The following NUDT16L1 variants were observed in gnomAD, a reference collection of about 807,000 sequenced individuals.
NUDT16L1 encodes the protein tudor-interacting repair regulator protein.
In NUDT16L1, 19 loss-of-function variants were observed where a neutral mutation model predicts 17.3. The ratio of observed to expected loss-of-function variants is 1.10; its 90% CI spans 0.77 to 1.61. The LOEUF is 1.61. Among genes scored for constraint, NUDT16L1 ranks in the 40% most tolerant of loss-of-function variants. NUDT16L1 has a pLI of 0.00. For synonymous variants in NUDT16L1, 255 were observed against 138.6 expected (o/e 1.84, Z -5.90); for missense variants, 341 against 292.0 (o/e 1.17, Z -1.22).
chr16:4,695,211 G>T (rs773889013), exon 3 of NUDT16L1: 3 of 1,600,276 alleles, frequency 1.9e-6, no homozygotes, highest in Non-Finnish European at 2.6e-6. Flanking sequence ...CCCTCCCCTG[G>T]GCCGGAAGAC....
intron 2 of NUDT16L1, chr16:4,694,544 T>A: frequency 1.4e-6 from 2 of 1,457,242 alleles, no homozygotes; most frequent in Non-Finnish European, 1.8e-6. Flanking sequence ...GGAGCGGGGA[T>A]TGCTTGGGGA....
chr16:4,694,369 T>A (rs1302703134), intron 2 of NUDT16L1, 131 bp downstream of exon 2: 1 of 980,216 alleles, frequency 1.0e-6, no homozygotes, highest in Non-Finnish European at 1.3e-6. Flanking sequence ...TCTCCAGCAA[T>A]GGGGTGGGGA....
At chr16:4,693,602 C>A (rs1472360923), upstream of NUDT16L1, 1 of 1,141,518 alleles carries the variant, frequency 8.8e-7, no homozygotes, top group African/African-American at 1.6e-5. Flanking sequence ...GGTCCCGGGG[C>A]GCGCCGGCGA....
exon 3 of NUDT16L1, chr16:4,695,012 T>C: frequency 1.2e-6 from 2 of 1,612,902 alleles, no homozygotes; most frequent in Non-Finnish European, 8.5e-7. Context: ...AGTCGGAGGC[T>C]TCCCCAACTT....
At chr16:4,694,479 A>G (rs1318029792) in intron 2 of NUDT16L1, 1 of 1,424,422 alleles carries the variant, frequency 7.0e-7, no homozygotes, top group Non-Finnish European at 9.3e-7. Context: ...GCTGCCTGCC[A>G]TTGCCAATCC....
rs775383302 is a variant in NUDT16L1 at position 4,694,595 on chromosome 16, A to C, written c.414+357A>C. Reference sequence around the variant, plus strand: ...CACAGCGGGGGTTGTAAAACTTGGGAACCTCATGTTGGGCGTGAAGGCTCT... The same window carrying C: ...CACAGCGGGGGTTGTAAAACTTGGGCACCTCATGTTGGGCGTGAAGGCTCT... On this transcript the variant is annotated intron_variant, in intron 2 of 2. Transcript: ENST00000304301. The C allele has an allele frequency of 9.1e-6, 13 of 1,432,464 alleles. No individual in the cohort carries two copies. In the Admixed American group the frequency reaches 2.2e-4, roughly 25 times the overall value. The allele number at this position is 1,432,464 out of a possible 1,614,324, so 88.7% of individuals were successfully genotyped here.
At chr16:4,694,927 T>C in intron 2 of NUDT16L1, 31 bp from the exon 3 acceptor site, 1 of 1,582,420 alleles carries the variant, frequency 6.3e-7, no homozygotes, top group Non-Finnish European at 8.6e-7. Context: ...GTGGCAGGCC[T>C]GGCCCCAACC....
At chr16:4,694,531 G>T (rs1057073058) in intron 2 of NUDT16L1, 71 of 1,473,594 alleles carry the variant, frequency 4.8e-5, no homozygotes, top group Non-Finnish European at 6.1e-5. Context: ...AAGGGATGGG[G>T]GAGGAGCGGG....
exon 1 of NUDT16L1, chr16:4,693,742 G>T: frequency 1.3e-6 from 2 of 1,544,732 alleles, no homozygotes; most frequent in Non-Finnish European, 1.7e-6. Context: ...GACGGCGGCG[G>T]TTCCGGAGCT....
intron 2 of NUDT16L1, 170 bp from the exon 3 acceptor site, chr16:4,694,788 A>G (rs2079502147): frequency 2.8e-6 from 4 of 1,442,172 alleles, no homozygotes; most frequent in Non-Finnish European, 3.6e-6. Flanking sequence ...AGGGGGCTGC[A>G]CTGCTCCGAG....
rs8057392 is a variant in NUDT16L1 at position 4,694,684 on chromosome 16, C to G, written c.415-274C>G. The stretch of plus-strand genomic sequence containing the variant: ...GGGTGTTCAGGCTTCGTTGGGTGGA[C>G]GGGGGGAGCATGGGGTGCGGACCCC... On this transcript the variant is annotated intron_variant, in intron 2 of 2. Coordinates refer to ENST00000304301, the Ensembl canonical transcript of NUDT16L1. 2.9e-6 allele frequency: 3 copies of G among 1,021,070 alleles called. No homozygotes were observed. The East Asian group carries it at 2.0e-4, about 67-fold the overall frequency. The allele number at this position is 1,021,070 out of a possible 1,614,324, so 63.3% of individuals were successfully genotyped here.
intron 2 of NUDT16L1, chr16:4,694,545 T>G: frequency 6.9e-7 from 1 of 1,456,420 alleles, no homozygotes; most frequent in Middle Eastern, 1.8e-4. Context: ...GAGCGGGGAT[T>G]GCTTGGGGAG....
chr16:4,695,216 G>A (rs200604727), exon 3 of NUDT16L1: 12 of 1,593,492 alleles, frequency 7.5e-6, no homozygotes, highest in Middle Eastern at 3.6e-4. Context: ...CCCTGGGCCG[G>A]AAGACTGGGA....
Position 4,694,703 on chromosome 16 carries a change from G to T in NUDT16L1, c.415-255G>T, listed in dbSNP as rs114913812. On this transcript the variant is annotated intron_variant, in intron 2 of 2. Coordinates refer to ENST00000304301, the Ensembl canonical transcript of NUDT16L1. ...GGTGGACGGGGGGAGCATGGGGTGC[G>T]GACCCCGGGGTGGGGTGGCCTGGGT... 2.9e-4 allele frequency: 419 copies of T among 1,423,304 alleles called. 4 individuals are homozygous for T. In the African/African-American group the frequency reaches 5.4e-3, roughly 18 times the overall value. 88.2% of individuals were successfully genotyped at this position (1,423,304 alleles called of 1,614,324 possible). A position where few individuals can be genotyped will look rare whatever the true frequency, so the allele number is the denominator to read the frequency against.
At chr16:4,695,366 CCT>C (rs2079520370) in exon 3 of NUDT16L1, 3 of 627,728 alleles carry the variant, frequency 4.8e-6, no homozygotes, top group East Asian at 2.7e-5. Flanking sequence ...CCCAGCCCAT[CCT>C]CTCAGGCAGA....
exon 3 of NUDT16L1, chr16:4,695,382 G>C (rs1266394380): frequency 1.6e-6 from 1 of 609,788 alleles, no homozygotes; most frequent in Non-Finnish European, 2.9e-6. Flanking sequence ...AGGCAGAGCA[G>C]GGTGGTCCGG....
exon 3 of NUDT16L1, chr16:4,695,248 T>C (rs918387413): frequency 1.4e-5 from 21 of 1,519,830 alleles, no homozygotes; most frequent in East Asian, 2.3e-5. Context: ...GTGTGGCTTC[T>C]AGAGTGTTTG....
At chr16:4,694,160 G>A (rs990847067) in exon 2 of NUDT16L1, 3 of 1,585,390 alleles carry the variant, frequency 1.9e-6, no homozygotes, top group East Asian at 2.3e-5. Context: ...TGGCGCACCT[G>A]TACGCGCGGC....
At chr16:4,694,490 T>A (rs1368308052) in intron 2 of NUDT16L1, 1 of 1,397,480 alleles carries the variant, frequency 7.2e-7, no homozygotes, top group African/African-American at 1.7e-5. Flanking sequence ...TTGCCAATCC[T>A]GGGAGTGGGG....
Sources: allele counts gnomAD v4.1 joint callset, GRCh38; gene constraint gnomAD v4.1.1; transcripts MANE v1.5; gene names NCBI Gene and HGNC (gene_info 2026-07-23, HGNC 2026-07-21).